Variants in CACNA1D observed in about 807,000 individuals in gnomAD.
CACNA1D encodes the protein calcium voltage-gated channel subunit alpha1 D, also known as voltage-dependent L-type calcium channel subunit alpha-1D.
Under a neutral mutation model 257.1 loss-of-function variants are expected in CACNA1D, and 55 were observed. That is an observed-to-expected ratio of 0.21 (90% CI 0.17 to 0.27). The LOEUF is 0.27. Among genes scored for constraint, CACNA1D ranks in the 10% least tolerant of loss-of-function variants. The pLI, the probability that CACNA1D is intolerant of heterozygous loss-of-function variation, is 1.00. For missense variants in CACNA1D, 1,876 were observed against 2,784.0 expected, an observed-to-expected ratio of 0.67 and a Z score of 7.34; for synonymous variants, 980 against 1,014.9, an observed-to-expected ratio of 0.97 and a Z score of 0.65.
intron 3 of CACNA1D, among the ~76,000 whole-genome samples, chr3:53,502,558 T>A (rs563190207): frequency 7.4e-4 from 111 of 150,648 alleles, no homozygotes; most frequent in East Asian, 6.0e-3. Flanking sequence ...GTTTTTTTTT[T>A]AAAAAAAAAG....
chr3:53,654,279 G>A (rs958743288), intron 4 of CACNA1D, among the ~76,000 whole-genome samples: 3 of 152,152 alleles, frequency 2.0e-5, no homozygotes, highest in Non-Finnish European at 2.9e-5. Flanking sequence ...GGGTAAATAC[G>A]TGGGTACATA....
rs375820469 is a variant in CACNA1D, at chr3:53,560,856, C to T, written c.483+59136C>T. 3.9e-5 allele frequency among the ~76,000 whole-genome samples: 6 copies of T among 152,260 alleles called. No individual in the cohort carries two copies. The East Asian group carries it at 9.6e-4, about 24-fold the overall frequency. On this transcript the variant is annotated intron_variant, in intron 3 of 47. Transcript: ENST00000350061. ...ATTTATGTCATGGATGGCTCTATGG[C>T]CCTGATCAACAACTCCTCTTGATTG...
Position 53,673,132 on chromosome 3 carries a change from C to T in CACNA1D, c.1220+6C>T. ...GTACTTGGTGTATTGAGCGGGTAAGCTACACCTCTTTCATCTTGAAAGCAG... is the reference window on the plus strand; with the variant it reads ...GTACTTGGTGTATTGAGCGGGTAAGTTACACCTCTTTCATCTTGAAAGCAG... On this transcript the variant is annotated splice_donor_region_variant and intron_variant, in intron 8 of 47. Coordinates refer to ENST00000350061, the MANE Select transcript of CACNA1D (RefSeq NM_001128840.3). The surrounding 1 kb of genome is among the most constrained non-coding windows in gnomAD (Gnocchi z 4.1). The T allele has an allele frequency of 6.5e-7, 1 of 1,529,624 alleles. No homozygotes were observed. Among genetic ancestry groups the T allele is most frequent in the Non-Finnish European group, 8.9e-7 (1 of 1,126,732 alleles). 94.8% of individuals were successfully genotyped at this position (1,529,624 alleles called of 1,614,324 possible).
chr3:53,691,925 T>C (rs1367824123), intron 8 of CACNA1D, among the ~76,000 whole-genome samples: 3 of 113,148 alleles, frequency 2.7e-5, no homozygotes, highest in African/African-American at 6.8e-5. Context: ...ATATATATTA[T>C]ATATATTATA....
intron 3 of CACNA1D, among the ~76,000 whole-genome samples, chr3:53,553,510 T>A (rs1477424396): frequency 6.6e-6 from 1 of 152,216 alleles, no homozygotes; most frequent in Non-Finnish European, 1.5e-5. Flanking sequence ...GGTATCTTTT[T>A]AAAATGTAAT....
chr3:53,747,611 C>T (rs1407733280), intron 26 of CACNA1D, among the ~76,000 whole-genome samples, 163 bp downstream of exon 26: 2 of 152,144 alleles, frequency 1.3e-5, no homozygotes, highest in African/African-American at 4.8e-5. Flanking sequence ...CCCACAGGGC[C>T]TCTTTCTGTG....
chr3:53,513,377 C>T (rs1290062320), intron 3 of CACNA1D, among the ~76,000 whole-genome samples: 4 of 152,216 alleles, frequency 2.6e-5, no homozygotes, highest in East Asian at 1.9e-4. Flanking sequence ...AGGCGTGCCT[C>T]ACACCTGTAA....
rs2612033 is a variant in CACNA1D, at chr3:53,731,999, T to A, written c.2407-17T>A. 18 of 1,548,496 alleles carry A rather than the reference T, an allele frequency of 1.2e-5. No homozygotes were observed. Among genetic ancestry groups the A allele is most frequent in the Non-Finnish European group, 1.6e-5 (18 of 1,120,156 alleles). The stretch of plus-strand genomic sequence containing the variant: ...AAGTCAGTCTCCCCTCCTCCCAAGA[T>A]GTCTTTGTCATCCTAGGTTACAATT... On this transcript the variant is annotated splice_polypyrimidine_tract_variant and intron_variant, in intron 17 of 47. Transcript: ENST00000350061.
At chr3:53,727,126 A>C in intron 15 of CACNA1D, 127 bp downstream of exon 15, 1 of 1,037,690 alleles carries the variant, frequency 9.6e-7, no homozygotes, top group South Asian at 1.3e-5. Flanking sequence ...CCTTTACCTT[A>C]TTAGCTCAAT....
intron 30 of CACNA1D, among the ~76,000 whole-genome samples, chr3:53,766,955 A>G (rs1444283421): frequency 6.6e-6 from 1 of 152,168 alleles, no homozygotes; most frequent in Non-Finnish European, 1.5e-5. Context: ...AGCGTAGCCC[A>G]CTTGCGTTCC....
chr3:53,679,269 T>TA (rs1559504844), intron 8 of CACNA1D: 174 of 6,368 alleles, frequency 0.027, 7 homozygotes, highest in African/African-American at 0.051. Flanking sequence ...AAACTCCATC[T>TA]CAAAAAAAAA....
chr3:53,803,531 T>G lies in CACNA1D; in HGVS notation c.5544T>G (p.Ser1848Arg). Residue 1848 changes from serine to arginine, a missense_variant, in exon 44 of 48, where the codon AGT becomes AGG. Physicochemically the swap from Ser to Arg is moderately radical, Grantham distance 110. Coordinates refer to ENST00000350061, the MANE Select transcript of CACNA1D (RefSeq NM_001128840.3). ...HCLGEQEYFS[S>R]EECYEDDSSP... Reference sequence around the variant, plus strand: ...TGGGGGAGCAGGAGTATTTCAGTAGTGAGGAATGCTACGAGGATGACAGCT... The same window carrying G: ...TGGGGGAGCAGGAGTATTTCAGTAGGGAGGAATGCTACGAGGATGACAGCT... The G allele has an allele frequency of 6.2e-7, 1 of 1,614,072 alleles. No homozygotes were observed. The highest frequency in any genetic ancestry group is 8.5e-7 in the Non-Finnish European group (1 of 1,179,948).
chr3:53,738,860 G>T (rs1239212067), intron 20 of CACNA1D, among the ~76,000 whole-genome samples: 1 of 151,700 alleles, frequency 6.6e-6, no homozygotes, highest in East Asian at 1.9e-4. Context: ...CTTGTGGGCT[G>T]CAGTGTCTTT....
intron 9 of CACNA1D, among the ~76,000 whole-genome samples, chr3:53,717,603 AACCTTGCCCTC>A (rs2094833356): frequency 6.6e-6 from 1 of 152,180 alleles, no homozygotes; most frequent in East Asian, 1.9e-4. Context: ...GACCAGAGTC[AACCTTGCCCTC>A]TGCTCACTGG....
At chr3:53,725,348 T>A (rs2094925374) in intron 14 of CACNA1D, among the ~76,000 whole-genome samples, 1 of 152,108 alleles carries the variant, frequency 6.6e-6, no homozygotes. Context: ...ATATGACCAG[T>A]CCCTTGCTGA....
intron 8 of CACNA1D, among the ~76,000 whole-genome samples, chr3:53,682,953 C>A (rs1033566372): frequency 2.0e-5 from 3 of 152,150 alleles, no homozygotes; most frequent in Non-Finnish European, 4.4e-5. Flanking sequence ...AGGTAAACTC[C>A]GCAGTTGTCC....
chr3:53,563,644 T>C (rs192397736), intron 3 of CACNA1D, among the ~76,000 whole-genome samples: 2 of 152,300 alleles, frequency 1.3e-5, no homozygotes, highest in Admixed American at 1.3e-4. Context: ...TTGAAGTTTA[T>C]ATAAATGGAA....
intron 3 of CACNA1D, among the ~76,000 whole-genome samples, chr3:53,602,976 A>G (rs1343996029): frequency 6.6e-6 from 1 of 152,166 alleles, no homozygotes; most frequent in African/African-American, 2.4e-5. Flanking sequence ...CCAGCGGACG[A>G]AGTTGTCCCT....
intron 10 of CACNA1D, chr3:53,718,601 C>CCCCCCCAATG: frequency 9.1e-7 from 1 of 1,103,204 alleles, no homozygotes; most frequent in Non-Finnish European, 1.3e-6. Context: ...CCCCCCGGCC[C>CCCCCCCAATG]AGCATTTCAC....
Sources: gnomAD v4.1 joint callset for allele counts (sites outside exome capture counted in the v4.1 genomes callset) on GRCh38, gnomAD v4.1.1 for gene constraint, Gnocchi (gnomAD v3.1) non-coding constraint, MANE v1.5 for transcripts, NCBI Gene and HGNC (gene_info 2026-07-23, HGNC 2026-07-21) for gene names.